OTUD7A: variants seen among roughly 807,000 people sequenced by gnomAD.
OTUD7A encodes OTU domain-containing protein 7A.
Under a neutral mutation model 65.7 loss-of-function variants are expected in OTUD7A, and 12 were observed. That is an observed-to-expected ratio of 0.18 (90% confidence interval 0.12 to 0.30). OTUD7A has a LOEUF of 0.30. Ranked by LOEUF, OTUD7A falls within the 10% of genes least tolerant of loss-of-function variation. OTUD7A has a pLI of 1.00. For missense variants in OTUD7A, 1,148 were observed against 1,304.8 expected (o/e 0.88, Z 1.85); for synonymous variants, 641 against 586.3 (o/e 1.09, Z -1.35).
intron 8 of OTUD7A, among the ~76,000 whole-genome samples, chr15:31,506,723 A>C (rs1338883749): frequency 6.6e-6 from 1 of 152,122 alleles, no homozygotes; most frequent in Non-Finnish European, 1.5e-5. Context: ...AGGAATATTA[A>C]ATTTTTTTCT....
intron 1 of OTUD7A, among the ~76,000 whole-genome samples, chr15:31,696,165 G>T (rs1442992173): frequency 1.4e-5 from 2 of 143,544 alleles, no homozygotes; most frequent in Non-Finnish European, 3.1e-5. Flanking sequence ...AAGGGGCTGG[G>T]GGTGGACAGG....
chr15:31,511,932 T>A (rs936700195), intron 8 of OTUD7A, among the ~76,000 whole-genome samples: 1 of 152,132 alleles, frequency 6.6e-6, no homozygotes, highest in African/African-American at 2.4e-5. Flanking sequence ...CTTTTTGAGG[T>A]TTAACCCCCA....
chr15:31,547,865 G>A (rs1413125477), intron 5 of OTUD7A, among the ~76,000 whole-genome samples: 1 of 152,168 alleles, frequency 6.6e-6, no homozygotes, highest in Admixed American at 6.5e-5. Context: ...ACATGATTCA[G>A]TGAACCAGCT....
At chr15:31,773,475 C>T (rs1895293056) in intron 1 of OTUD7A, among the ~76,000 whole-genome samples, 1 of 152,188 alleles carries the variant, frequency 6.6e-6, no homozygotes, top group Non-Finnish European at 1.5e-5. Context: ...TCTGGGGTCC[C>T]CGTTATGAGG....
chr15:31,747,773 G>A (rs1302628900), intron 1 of OTUD7A, among the ~76,000 whole-genome samples: 1 of 152,152 alleles, frequency 6.6e-6, no homozygotes, highest in Admixed American at 6.5e-5. Context: ...TTACAGGGGA[G>A]AAACTTCCAC....
At chr15:31,570,866 C>T (rs961437724) in intron 3 of OTUD7A, among the ~76,000 whole-genome samples, 4 of 152,094 alleles carry the variant, frequency 2.6e-5, no homozygotes, top group Admixed American at 6.5e-5. Flanking sequence ...TTGGAGGCAG[C>T]GTGGGCACTC....
intron 6 of OTUD7A, 150 bp from the exon 7 acceptor site, chr15:31,527,458 C>T (rs1210161876): frequency 1.9e-6 from 2 of 1,051,230 alleles, no homozygotes; most frequent in East Asian, 5.2e-5. Flanking sequence ...TAATTCCCCT[C>T]CAGCCTTCTT....
chr15:31,589,411 C>T (rs1269732120), intron 3 of OTUD7A, among the ~76,000 whole-genome samples: 12 of 150,788 alleles, frequency 8.0e-5, no homozygotes, highest in African/African-American at 7.3e-5. Context: ...GCAATCCTCC[C>T]ACCTTAGCCT....
intron 4 of OTUD7A, among the ~76,000 whole-genome samples, chr15:31,559,681 T>C (rs4779541): frequency 0.59 from 88,817 of 150,486 alleles, 27,697 homozygotes; most frequent in East Asian, 0.91. Context: ...TACACACATA[T>C]ATACATGCCC....
chr15:31,608,375 A>G (rs1417552408), intron 3 of OTUD7A, among the ~76,000 whole-genome samples: 1 of 152,250 alleles, frequency 6.6e-6, no homozygotes, highest in Non-Finnish European at 1.5e-5. Context: ...CTGGGCAATC[A>G]AGAAAAGAGA....
chr15:31,756,635 CA>C (rs1894821744), intron 1 of OTUD7A, among the ~76,000 whole-genome samples: 1 of 1,354 alleles, frequency 7.4e-4, no homozygotes, highest in Non-Finnish European at 3.6e-3. Context: ...CCAACACACA[CA>C]CACACACACA....
At chr15:31,489,372 T>C (rs1187877497) in intron 10 of OTUD7A, among the ~76,000 whole-genome samples, 1 of 152,180 alleles carries the variant, frequency 6.6e-6, no homozygotes, top group African/African-American at 2.4e-5. Context: ...ACAAGAATAA[T>C]CTGTTAGAAG....
At chr15:31,611,827 C>T (rs1441156872) in intron 3 of OTUD7A, among the ~76,000 whole-genome samples, 1 of 152,152 alleles carries the variant, frequency 6.6e-6, no homozygotes, top group Non-Finnish European at 1.5e-5. Context: ...AATACCAAAA[C>T]CAGGGAAGGA....
intron 3 of OTUD7A, among the ~76,000 whole-genome samples, chr15:31,636,177 T>C (rs531315243): frequency 6.6e-6 from 1 of 152,346 alleles, no homozygotes; most frequent in African/African-American, 2.4e-5. Flanking sequence ...AATTAAAGGT[T>C]TGTGGCAACC....
intron 1 of OTUD7A, among the ~76,000 whole-genome samples, chr15:31,757,421 G>T (rs1894846654): frequency 6.6e-6 from 1 of 151,512 alleles, no homozygotes; most frequent in Non-Finnish European, 1.5e-5. Flanking sequence ...CTAGAGGTTA[G>T]ATCTCACTAT....
chr15:31,828,660 G>A (rs1896857134), intron 1 of OTUD7A, among the ~76,000 whole-genome samples: 1 of 152,178 alleles, frequency 6.6e-6, no homozygotes, highest in Non-Finnish European at 1.5e-5. Context: ...GTGAGAGAGT[G>A]TATGGTTCTG....
At chr15:31,812,017 C>A (rs1341376315) in intron 1 of OTUD7A, among the ~76,000 whole-genome samples, 1 of 152,202 alleles carries the variant, frequency 6.6e-6, no homozygotes, top group Non-Finnish European at 1.5e-5. Context: ...CTTGCTTCAC[C>A]CAGCCTTCCC....
chr15:31,771,071 A>T (rs570321083), intron 1 of OTUD7A, among the ~76,000 whole-genome samples: 1 of 152,226 alleles, frequency 6.6e-6, no homozygotes, highest in Non-Finnish European at 1.5e-5. Flanking sequence ...TAAGAACAAC[A>T]AATTAAAGGC....
In OTUD7A at chr15:31,776,372, T is replaced by C. The variant is rs571573343; in HGVS notation, c.-100+94135A>G. ...TCTGGTTGGGTCTTCTTGCTCAGTG[T>C]ATTTCCTGGATGGTGGCTGCCAGAA... On this transcript the variant is annotated intron_variant, in intron 1 of 12. Coordinates refer to ENST00000307050, the MANE Select transcript of OTUD7A (RefSeq NM_001382637.1). Among the ~76,000 whole-genome samples the C allele has an allele frequency of 2.6e-5, 4 of 152,302 alleles. No homozygotes were observed. In the South Asian group the frequency reaches 6.2e-4, roughly 24 times the overall value.
Sources: allele counts gnomAD v4.1 joint callset (sites outside exome capture counted in the v4.1 genomes callset), GRCh38; gene constraint gnomAD v4.1.1; transcripts MANE v1.5; gene names NCBI Gene and HGNC (gene_info 2026-07-23, HGNC 2026-07-21).